SLC4A1: variants seen among roughly 807,000 people sequenced by gnomAD.
The protein encoded by SLC4A1 is band 3 anion transport protein.
SLC4A1 carries 29 observed loss-of-function variants against 93.1 expected under a neutral mutation model. That is an observed-to-expected ratio of 0.31 (90% CI 0.23 to 0.42). The LOEUF is 0.42. Ranked by LOEUF, SLC4A1 falls within the 20% of genes least tolerant of loss-of-function variation. The probability of loss-of-function intolerance (pLI) is 1.00; values close to 1 mark genes in which losing one functional copy is unlikely to be tolerated. For missense variants in SLC4A1, 965 were observed against 1,190.1 expected, an observed-to-expected ratio of 0.81 and a Z score of 2.78; for synonymous variants, 469 against 497.2, an observed-to-expected ratio of 0.94 and a Z score of 0.76.
At chr17:44,263,709 C>CCTTT (rs1342740214) in intron 1 of SLC4A1, among the ~76,000 whole-genome samples, 11 of 3,986 alleles carry the variant, frequency 2.8e-3, no homozygotes, top group African/African-American at 4.7e-3. Flanking sequence ...TCCCTTCCCT[C>CCTTT]CTTCCTTCCT....
intron 16 of SLC4A1, 105 bp from the exon 17 acceptor site, chr17:44,253,476 G>A: frequency 2.8e-6 from 4 of 1,435,984 alleles, no homozygotes; most frequent in Non-Finnish European, 2.8e-6. Flanking sequence ...TTTGTCTTCT[G>A]TGCCCCTCGC....
intron 11 of SLC4A1, 68 bp from the exon 12 acceptor site, chr17:44,257,875 T>C (rs1193885322): frequency 6.2e-6 from 10 of 1,609,402 alleles, no homozygotes; most frequent in Non-Finnish European, 8.5e-6. Flanking sequence ...GAGCAAGTCA[T>C]GGTCAGGCTG....
chr17:44,255,377 C>G, intron 14 of SLC4A1, 81 bp from the exon 15 acceptor site: 1 of 1,052,306 alleles, frequency 9.5e-7, no homozygotes, highest in Non-Finnish European at 1.4e-6. Flanking sequence ...TATTCACCCA[C>G]GGGGCCCTGC....
rs2047450465 is a variant in SLC4A1 at position 44,262,074 on chromosome 17, C to G, written c.107-438G>C. ...ACAGTGTCTCACTGAGCTGAGGCACCAGGGTGGGTCAGCCCCTTATATTCC... is the reference window on the plus strand; with the variant it reads ...ACAGTGTCTCACTGAGCTGAGGCACGAGGGTGGGTCAGCCCCTTATATTCC... On this transcript the variant is annotated intron_variant, in intron 3 of 19. Transcript: ENST00000262418. 4 of 1,114,158 alleles carry G rather than the reference C, an allele frequency of 3.6e-6. No homozygotes were observed. The South Asian group carries it at 9.5e-5, about 27-fold the overall frequency. 69.0% of individuals were successfully genotyped at this position (1,114,158 alleles called of 1,614,324 possible).
In SLC4A1 at chr17:44,250,183, C is replaced by T; in HGVS notation, c.*275G>A. 1 of 458,976 alleles carries T rather than the reference C, an allele frequency of 2.2e-6. No homozygotes were observed. Among genetic ancestry groups the T allele is most frequent in the South Asian group, 2.2e-5 (1 of 46,442 alleles). 28.4% of individuals were successfully genotyped at this position (458,976 alleles called of 1,614,324 possible). On this transcript the variant is annotated 3_prime_UTR_variant, in exon 20 of 20. Transcript: ENST00000262418. ...AGGGAGGGCTCAGATCTAAGTCTTC[C>T]AGCACGGGATCCCCAGTGAAAGTGT...
intron 16 of SLC4A1, 67 bp downstream of exon 16, chr17:44,254,429 G>A (rs553213526): frequency 4.0e-6 from 6 of 1,503,474 alleles, no homozygotes; most frequent in Non-Finnish European, 5.5e-6. Context: ...TTGCCTGCCT[G>A]GGAGAATGCC....
In SLC4A1 at chr17:44,260,782, C is replaced by T. The variant is rs13306787; in HGVS notation, c.202G>A (p.Glu68Lys). Residue 68 changes from glutamate to lysine, a missense_variant, in exon 5 of 20, where the codon GAA (glutamate) becomes AAA (lysine). Around this residue, in one of 2 missense-constraint regions of SLC4A1, gnomAD observed 195 missense variants for 183.5 expected, o/e 1.06. Transcript: ENST00000262418. ...YVELQELVMD[E>K]KNQELRWMEA... The stretch of plus-strand genomic sequence containing the variant: ...ATCCATCTCAGCTCCTGGTTCTTTT[C>T]GTCCATCACCAGCTCCTGCAGCTCC... 253 of 1,613,524 alleles carry T rather than the reference C, an allele frequency of 1.6e-4. No homozygotes were observed. In the East Asian group the frequency reaches 2.5e-3, roughly 16 times the overall value.
At position 44,250,343 on chromosome 17, in the gene SLC4A1, C is replaced by T; in HGVS notation, c.*115G>A. ...TTCCCCACCCACAGCCCTGGGGCCT[C>T]AGCTGCTGCTCCAGGAGGATCCTGG... On this transcript the variant is annotated 3_prime_UTR_variant, in exon 20 of 20. Coordinates refer to ENST00000262418, the MANE Select transcript of SLC4A1 (RefSeq NM_000342.4). 2.3e-6 allele frequency: 2 copies of T among 872,220 alleles called. No individual in the cohort carries two copies. The highest frequency in any genetic ancestry group is 3.8e-6 in the Non-Finnish European group (2 of 526,354). The allele number at this position is 872,220 out of a possible 1,614,324, so 54.0% of individuals were successfully genotyped here. A position where few individuals can be genotyped will look rare whatever the true frequency, so the allele number is the denominator to read the frequency against.
At position 44,262,694 on chromosome 17, in the gene SLC4A1, C is replaced by T. The variant is rs1338756050; in HGVS notation, c.48G>A (p.Leu16=). 2 of 1,614,198 alleles carry T rather than the reference C, an allele frequency of 1.2e-6. No individual in the cohort carries two copies. Among genetic ancestry groups the T allele is most frequent in the South Asian group, 2.2e-5 (2 of 91,084 alleles). ...CTGGGTCTTCATATTCCTCCTGCTC[C>T]AGATTCTCCTCCATCATGTCTTCAT... ...DDYEDMMEEN[L]EQEEYEDPDI... Residue 16 remains leucine, a synonymous_variant, in exon 3 of 20, where the codon CTG becomes CTA. Coordinates refer to ENST00000262418, the MANE Select transcript of SLC4A1 (RefSeq NM_000342.4).
chr17:44,258,026 A>C lies in SLC4A1; in HGVS notation c.1242T>G (p.Phe414Leu). Residue 414 changes from phenylalanine (F) to leucine (L), a missense_variant, in exon 11 of 20, where the codon TTT (phenylalanine) becomes TTG (leucine). Phe to Leu is a conservative substitution (Grantham distance 22, BLOSUM62 0). Coordinates refer to ENST00000262418, the MANE Select transcript of SLC4A1 (RefSeq NM_000342.4). This position sits in a 1 kb window ranked among gnomAD's most constrained non-coding sequence, Gnocchi z 6.1. ...AGGTGATGGCGGGTGACAGTGCAGC[A>C]AAGTAGATGAAGATGACGGCAGCCA... ...QVLAAVIFIY[F>L]AALSPAITFG... The C allele has an allele frequency of 1.1e-5, 17 of 1,614,116 alleles. No homozygotes were observed. Among genetic ancestry groups the C allele is most frequent in the Non-Finnish European group, 1.4e-5 (17 of 1,180,022 alleles).
intron 2 of SLC4A1, 35 bp downstream of exon 2, chr17:44,262,817 A>G (rs774719934): frequency 6.2e-7 from 1 of 1,611,874 alleles, no homozygotes; most frequent in East Asian, 2.2e-5. Flanking sequence ...CAGAGCCTCC[A>G]GGTGGGAGCA....
intron 1 of SLC4A1, among the ~76,000 whole-genome samples, chr17:44,264,532 T>C (rs1487632048): frequency 2.0e-5 from 3 of 152,228 alleles, no homozygotes; most frequent in Non-Finnish European, 4.4e-5. Flanking sequence ...CTGACAATGC[T>C]TTTGGAAGGG....
chr17:44,258,011 G>A lies in SLC4A1; in HGVS notation c.1257C>T (p.Pro419=), dbSNP rs555942623. Reference sequence around the variant, plus strand: ...CCAGGAGGCCGCCGAAGGTGATGGCGGGTGACAGTGCAGCAAAGTAGATGA... The same window carrying A: ...CCAGGAGGCCGCCGAAGGTGATGGCAGGTGACAGTGCAGCAAAGTAGATGA... ...VIFIYFAALS[P]AITFGGLLGE... is the part of the protein sequence containing the mutation. Residue 419 remains proline (P), a synonymous_variant, in exon 11 of 20, where the codon CCC becomes CCT. Transcript: ENST00000262418. The surrounding 1 kb of genome is among the most constrained non-coding windows in gnomAD (Gnocchi z 6.1). 49 of 1,614,102 alleles carry A rather than the reference G, an allele frequency of 3.0e-5. No individual in the cohort carries two copies. Among genetic ancestry groups the A allele is most frequent in the Admixed American group, 2.3e-4 (14 of 60,006 alleles).
In SLC4A1 at chr17:44,259,795, T is replaced by G; in HGVS notation, c.609+14A>C. The G allele has an allele frequency of 6.2e-7, 1 of 1,613,866 alleles. No homozygotes were observed. The highest frequency in any genetic ancestry group is 8.5e-7 in the Non-Finnish European group (1 of 1,179,980). On this transcript the variant is annotated intron_variant, in intron 7 of 19. Coordinates refer to ENST00000262418, the MANE Select transcript of SLC4A1 (RefSeq NM_000342.4). ...CCCACCCTGACCCTGACCCTGACCC[T>G]GTAACTGACTCACCTGCTCACAGAA... is the stretch of plus-strand genomic sequence containing the variant.
chr17:44,255,450 T>C (rs2047380462), intron 14 of SLC4A1, among the ~76,000 whole-genome samples, 154 bp from the exon 15 acceptor site: 1 of 152,140 alleles, frequency 6.6e-6, no homozygotes, highest in South Asian at 2.1e-4. Context: ...TCTGCCTCCT[T>C]TCTTCTTCCC....
chr17:44,262,982 C>G (rs544942549), intron 1 of SLC4A1, 48 bp from the exon 2 acceptor site: 3 of 1,497,646 alleles, frequency 2.0e-6, no homozygotes. Flanking sequence ...ATCCCAGGGT[C>G]TCCTGGTCCT....
At position 44,254,672 on chromosome 17, in the gene SLC4A1, G is replaced by C. The variant is rs377385417; in HGVS notation, c.1891-10C>G. The C allele has an allele frequency of 1.9e-5, 30 of 1,613,482 alleles. No individual in the cohort carries two copies. The highest frequency in any genetic ancestry group is 5.0e-5 in the Admixed American group (3 of 59,958). ...CAGGCACCGAGAGTTTCTGTGGGAG[G>C]GGGTAGCAGGTAAGAATGCCAAGGG... On this transcript the variant is annotated splice_polypyrimidine_tract_variant and intron_variant, in intron 15 of 19. Coordinates refer to ENST00000262418, the MANE Select transcript of SLC4A1 (RefSeq NM_000342.4).
chr17:44,257,845 A>T (rs1349292239), intron 11 of SLC4A1, 38 bp from the exon 12 acceptor site: 1 of 1,612,660 alleles, frequency 6.2e-7, no homozygotes, highest in Admixed American at 1.7e-5. Flanking sequence ...AGGTCAGGAG[A>T]TCATTTCCAG....
rs2047313808 is a variant in SLC4A1 at position 44,248,633 on chromosome 17, AGGTAGGTACC to A, written c.*1815_*1824del. 6.5e-6 allele frequency: 1 copy of A among 153,170 alleles called. No homozygotes were observed. Among genetic ancestry groups the A allele is most frequent in the Non-Finnish European group, 1.5e-5 (1 of 68,872 alleles). The allele number at this position is 153,170 out of a possible 1,614,324, so 9.5% of individuals were successfully genotyped here. Reference sequence around the variant, plus strand: ...CTTTAATCCTTATAACAACACTGCAAGGTAGGTACCATTATCATCCCCATTTTACAGACGA... The same window carrying A: ...CTTTAATCCTTATAACAACACTGCAAATTATCATCCCCATTTTACAGACGA... On this transcript the variant is annotated 3_prime_UTR_variant, in exon 20 of 20. Transcript: ENST00000262418.
Sources: allele counts gnomAD v4.1 joint callset (sites outside exome capture counted in the v4.1 genomes callset), GRCh38; gene constraint gnomAD v4.1.1; regional missense constraint gnomAD v4.1.1; non-coding constraint Gnocchi (gnomAD v3.1); transcripts MANE v1.5; gene names NCBI Gene and HGNC (gene_info 2026-07-23, HGNC 2026-07-21).